Variants in TBC1D14 observed in about 807,000 individuals in gnomAD.
TBC1D14 encodes TBC1 domain family member 14, also known as TBC1 domain family, member 14.
Under a neutral mutation model 79.0 loss-of-function variants are expected in TBC1D14, and 26 were observed. The observed-to-expected ratio is 0.33, with a 90% CI of 0.24 to 0.46. TBC1D14 has a LOEUF of 0.46. Among genes scored for constraint, TBC1D14 ranks in the 20% least tolerant of loss-of-function variants. The probability of loss-of-function intolerance (pLI) is 1.00; values close to 1 mark genes in which losing one functional copy is unlikely to be tolerated. For missense variants in TBC1D14, 769 were observed against 887.6 expected, an observed-to-expected ratio of 0.87 and a Z score of 1.70; for synonymous variants, 394 against 349.9, an observed-to-expected ratio of 1.13 and a Z score of -1.40.
rs190742363 is a variant in TBC1D14, at chr4:7,026,916, C to A, written c.2016+1654C>A. 1.7e-3 allele frequency among the ~76,000 whole-genome samples: 260 copies of A among 150,946 alleles called. 1 individual carries two copies. The highest frequency in any genetic ancestry group is 5.1e-3 in the African/African-American group (211 of 41,234). On this transcript the variant is annotated intron_variant, in intron 13 of 13. Transcript: ENST00000409757. ...TGTCTTAAAAAAACAAACAAACAAA[C>A]AAAAAAAACAGGTTGGCCAGGTGCA...
rs1358849544 is a variant in TBC1D14 at position 6,953,624 on chromosome 4, C to T, written c.723-13680C>T. Among the ~76,000 whole-genome samples, 4 of 18,222 alleles carry T rather than the reference C, an allele frequency of 2.2e-4. No homozygotes were observed. In the South Asian group the frequency reaches 7.1e-3, roughly 32 times the overall value. 12.0% of individuals were successfully genotyped at this position (18,222 alleles called of 152,430 possible). A position where few individuals can be genotyped will look rare whatever the true frequency, so the allele number is the denominator to read the frequency against. On this transcript the variant is annotated intron_variant, in intron 2 of 13. Coordinates refer to ENST00000409757, the MANE Select transcript of TBC1D14 (RefSeq NM_020773.3). ...TCCAGCCTGGGCGACAGCGAGACTC[C>T]GTCTCAAAAAAAAAAAAAAAAAAAA...
At chr4:6,989,537 C>T (rs1198548569) in intron 3 of TBC1D14, among the ~76,000 whole-genome samples, 1 of 152,226 alleles carries the variant, frequency 6.6e-6, no homozygotes, top group Non-Finnish European at 1.5e-5. Flanking sequence ...TCCTGCCCTT[C>T]CTCCCACAGT....
intron 2 of TBC1D14, among the ~76,000 whole-genome samples, chr4:6,931,547 A>G (rs1577475855): frequency 6.6e-6 from 1 of 152,208 alleles, no homozygotes; most frequent in African/African-American, 2.4e-5. Flanking sequence ...GGACACACAC[A>G]GGAGGTTGTC....
chr4:6,938,319 C>T (rs758139566), intron 2 of TBC1D14, among the ~76,000 whole-genome samples: 42 of 152,148 alleles, frequency 2.8e-4, no homozygotes, highest in Non-Finnish European at 5.6e-4. Flanking sequence ...GCCACCCTGC[C>T]CTTGGGTGGA....
At chr4:6,983,866 G>A (rs922055295) in intron 3 of TBC1D14, among the ~76,000 whole-genome samples, 26 of 152,168 alleles carry the variant, frequency 1.7e-4, no homozygotes, top group African/African-American at 6.3e-4. Flanking sequence ...CCTATTTAAT[G>A]CTTAATGCTT....
chr4:7,018,522 T>A (rs1166426085), intron 12 of TBC1D14, among the ~76,000 whole-genome samples: 1 of 152,244 alleles, frequency 6.6e-6, no homozygotes, highest in Non-Finnish European at 1.5e-5. Flanking sequence ...GTGTCCCCAG[T>A]GCCTGGCCCC....
chr4:6,953,248 C>T (rs1714234309), intron 2 of TBC1D14, among the ~76,000 whole-genome samples: 1 of 146,930 alleles, frequency 6.8e-6, no homozygotes, highest in Non-Finnish European at 1.5e-5. Flanking sequence ...TGGTCTTGAA[C>T]TCCTGACCTC....
intron 11 of TBC1D14, among the ~76,000 whole-genome samples, chr4:7,011,128 G>A (rs890697649): frequency 6.6e-6 from 1 of 152,206 alleles, no homozygotes; most frequent in Non-Finnish European, 1.5e-5. Flanking sequence ...CAGTGCCCAC[G>A]TTTGGGCCTG....
At chr4:6,940,498 A>G (rs558476441) in intron 2 of TBC1D14, among the ~76,000 whole-genome samples, 58 of 152,272 alleles carry the variant, frequency 3.8e-4, no homozygotes, top group Admixed American at 3.2e-3. Context: ...TCAGATAGGT[A>G]TAGCGGGGAG....
chr4:6,977,892 C>T (rs1441673580), intron 3 of TBC1D14, among the ~76,000 whole-genome samples: 114 of 144,482 alleles, frequency 7.9e-4, no homozygotes, highest in Admixed American at 1.0e-3. Flanking sequence ...TCTGCCCTGC[C>T]GCCCCGTCTG....
At chr4:6,996,087 C>T (rs1397429499) in intron 4 of TBC1D14, among the ~76,000 whole-genome samples, 11 of 152,010 alleles carry the variant, frequency 7.2e-5, no homozygotes, top group African/African-American at 2.4e-4. Context: ...CCGCCTGCCT[C>T]GGCCTCCCAA....
At chr4:6,986,442 T>G (rs1181639224) in intron 3 of TBC1D14, among the ~76,000 whole-genome samples, 1 of 152,250 alleles carries the variant, frequency 6.6e-6, no homozygotes, top group Non-Finnish European at 1.5e-5. Context: ...TCTCTAAGTC[T>G]TTGCTATCAC....
At chr4:6,978,124 T>C (rs1352591300) in intron 3 of TBC1D14, among the ~76,000 whole-genome samples, 4 of 137,986 alleles carry the variant, frequency 2.9e-5, no homozygotes, top group African/African-American at 1.1e-4. Flanking sequence ...GGTGGGGGGG[T>C]CAGCCCCCCG....
chr4:6,944,805 C>G (rs1713270328), intron 2 of TBC1D14, among the ~76,000 whole-genome samples: 2 of 152,212 alleles, frequency 1.3e-5, no homozygotes, highest in Non-Finnish European at 2.9e-5. Context: ...TGGTTCCCAG[C>G]ACAGCTGACA....
rs1014141276 is a variant in TBC1D14 at position 7,031,788 on chromosome 4, C to G, written c.*1396C>G. On this transcript the variant is annotated 3_prime_UTR_variant, in exon 14 of 14. Transcript: ENST00000409757. ...TCCACGGCCCTTCTCAGCCACACTTCCCACCCCAGGGGGTGCCCCCAGGCT... is the reference window on the plus strand; with the variant it reads ...TCCACGGCCCTTCTCAGCCACACTTGCCACCCCAGGGGGTGCCCCCAGGCT... 1 of 152,446 alleles carries G rather than the reference C, an allele frequency of 6.6e-6. No individual in the cohort carries two copies. Among genetic ancestry groups the G allele is most frequent in the Non-Finnish European group, 1.5e-5 (1 of 68,250 alleles). The allele number at this position is 152,446 out of a possible 1,614,324, so 9.4% of individuals were successfully genotyped here. A position where few individuals can be genotyped will look rare whatever the true frequency, so the allele number is the denominator to read the frequency against.
Position 6,916,614 on chromosome 4 carries a change from A to G in TBC1D14, c.-18+6663A>G, listed in dbSNP as rs185017865. Among the ~76,000 whole-genome samples the G allele has an allele frequency of 2.7e-4, 41 of 152,158 alleles. No homozygotes were observed. The East Asian group carries it at 7.7e-3, about 29-fold the overall frequency. On this transcript the variant is annotated intron_variant, in intron 1 of 13. Coordinates refer to ENST00000409757, the MANE Select transcript of TBC1D14 (RefSeq NM_020773.3). ...CTTTCTGACTTGTATTGAAGTGAAGATTGTGGCTCTGGTGGCGTGACAGTT... is the reference window on the plus strand; with the variant it reads ...CTTTCTGACTTGTATTGAAGTGAAGGTTGTGGCTCTGGTGGCGTGACAGTT...
At chr4:7,015,119 G>A (rs1721153184) in intron 12 of TBC1D14, among the ~76,000 whole-genome samples, 1 of 152,092 alleles carries the variant, frequency 6.6e-6, no homozygotes, top group Non-Finnish European at 1.5e-5. Flanking sequence ...GGGAGGCCAG[G>A]TCACGGTGGC....
At chr4:7,023,722 T>G (rs1027184768) in intron 12 of TBC1D14, among the ~76,000 whole-genome samples, 12 of 152,274 alleles carry the variant, frequency 7.9e-5, no homozygotes, top group African/African-American at 2.9e-4. Flanking sequence ...CTGGGTCCGT[T>G]TAGCTGTTGT....
intron 1 of TBC1D14, among the ~76,000 whole-genome samples, chr4:6,922,940 C>G (rs573586778): frequency 8.5e-5 from 13 of 152,288 alleles, no homozygotes; most frequent in Admixed American, 7.8e-4. Flanking sequence ...GTGGCTCATG[C>G]CCAAAATCCC....
Sources: allele counts gnomAD v4.1 joint callset (sites outside exome capture counted in the v4.1 genomes callset), GRCh38; gene constraint gnomAD v4.1.1; transcripts MANE v1.5; gene names NCBI Gene and HGNC (gene_info 2026-07-23, HGNC 2026-07-21).